UBTF: variants seen among roughly 807,000 people sequenced by gnomAD.
UBTF encodes upstream binding transcription factor.
In UBTF, 8 loss-of-function variants were observed where a neutral mutation model predicts 112.3. The ratio of observed to expected loss-of-function variants is 0.07; its 90% CI spans 0.04 to 0.13. UBTF has a LOEUF of 0.13. UBTF is among the 10% of genes least tolerant of loss of function. The pLI is 1.00. For synonymous variants in UBTF, 417 were observed against 373.1 expected (o/e 1.12, Z -1.36); for missense variants, 457 against 982.1 (o/e 0.47, Z 7.15).
upstream of UBTF, among the ~76,000 whole-genome samples, chr17:44,220,089 G>A (rs1450966730): frequency 6.8e-6 from 1 of 146,494 alleles, no homozygotes; most frequent in African/African-American, 2.5e-5. Flanking sequence ...CGGGGAAGGG[G>A]GGGGGGGCCG....
rs762726256 is a variant in UBTF at position 44,210,858 on chromosome 17, C to T, written c.1293G>A (p.Glu431=). The change falls in exon 13 of 21, where the codon GAG becomes GAA. Residue 431 remains glutamate (E), a synonymous_variant. Coordinates refer to ENST00000436088, the MANE Select transcript of UBTF (RefSeq NM_014233.4). The part of the protein sequence containing the change: ...KRRQLQEERP[E]LSESELTRLL... ...GGCGGGTCAGCTCGCTCTCGGAGAGCTCAGGCCGCTCCTCCTGCAGCTGCC... is the reference window on the plus strand; with the variant it reads ...GGCGGGTCAGCTCGCTCTCGGAGAGTTCAGGCCGCTCCTCCTGCAGCTGCC... The T allele has an allele frequency of 1.9e-6, 3 of 1,575,976 alleles. No individual in the cohort carries two copies. Among genetic ancestry groups the T allele is most frequent in the Admixed American group, 1.8e-5 (1 of 54,126 alleles).
intron 2 of UBTF, 45 bp downstream of exon 2, chr17:44,218,127 G>A (rs778751872): frequency 6.3e-7 from 1 of 1,596,296 alleles, no homozygotes; most frequent in South Asian, 1.1e-5. Flanking sequence ...AGCCACGAGG[G>A]AAAGAGGGTT....
At chr17:44,215,304 A>C in intron 5 of UBTF, 1 of 230,366 alleles carries the variant, frequency 4.3e-6, no homozygotes, top group Non-Finnish European at 8.6e-6. Flanking sequence ...ATCAAATGAG[A>C]CCATGACGGG....
rs1424654175 is a variant in UBTF at position 44,216,438 on chromosome 17, T to C, written c.234+91A>G. On this transcript the variant is annotated intron_variant, in intron 3 of 20. Transcript: ENST00000436088. ...GAGACCACATGAATGCCTCTCCTGG[T>C]CTCTTTCCTTCCTGTTTACAGCCTG... 2.7e-6 allele frequency: 4 copies of C among 1,470,336 alleles called. No homozygotes were observed. In the African/African-American group the frequency reaches 5.6e-5, roughly 21 times the overall value. 91.1% of individuals were successfully genotyped at this position (1,470,336 alleles called of 1,614,324 possible). A position where few individuals can be genotyped will look rare whatever the true frequency, so the allele number is the denominator to read the frequency against.
chr17:44,210,382 G>A lies in UBTF; in HGVS notation c.1451C>T (p.Ser484Phe), dbSNP rs1370943338. The A allele has an allele frequency of 6.2e-7, 1 of 1,614,202 alleles. No individual in the cohort carries two copies. Among genetic ancestry groups the A allele is most frequent in the South Asian group, 1.1e-5 (1 of 91,080 alleles). ...EREERGKLPE[S>F]PKRAEEIWQQ... ...CCAGATCTCCTCAGCTCTTTTGGGG[G>A]ACTCGGGCAGCTTGCCCCGTTCCTC... The change falls in exon 14 of 21, where the codon TCC (serine) becomes TTC (phenylalanine). Residue 484 changes from serine to phenylalanine, a missense_variant. By Grantham distance (155) the Ser-to-Phe change is radical. Transcript: ENST00000436088.
intron 5 of UBTF, chr17:44,215,219 C>T (rs1167754488): frequency 5.9e-6 from 1 of 170,568 alleles, no homozygotes; most frequent in Non-Finnish European, 1.3e-5. Flanking sequence ...ACTTAACCCT[C>T]CTGCACCTCA....
rs777946654 is a variant in UBTF, at chr17:44,216,003, G to C, written c.235-14C>G. 6.2e-7 allele frequency: 1 copy of C among 1,608,380 alleles called. No homozygotes were observed. Among genetic ancestry groups the C allele is most frequent in the South Asian group, 1.1e-5 (1 of 90,966 alleles). ...GAACTTCCTCACCTGGAGGAAGAGG[G>C]GTGGGAGGAAGGGGAAGTTGGGAAA... On this transcript the variant is annotated splice_polypyrimidine_tract_variant and intron_variant, in intron 3 of 20. Transcript: ENST00000436088.
chr17:44,210,582 A>G lies in UBTF; in HGVS notation c.1360-109T>C, dbSNP rs1268122195. 4.9e-6 allele frequency: 7 copies of G among 1,416,900 alleles called. No individual in the cohort carries two copies. In the African/African-American group the frequency reaches 8.9e-5, roughly 18 times the overall value. The allele number at this position is 1,416,900 out of a possible 1,614,324, so 87.8% of individuals were successfully genotyped here. A position where few individuals can be genotyped will look rare whatever the true frequency, so the allele number is the denominator to read the frequency against. ...GGCGGGCAGAAGCATGGGCTGGTGC[A>G]GATGTCTCCCGCCTGGGGCTCGCCC... On this transcript the variant is annotated intron_variant, in intron 13 of 20. Coordinates refer to ENST00000436088, the MANE Select transcript of UBTF (RefSeq NM_014233.4).
chr17:44,214,454 C>T (rs1442214225), intron 5 of UBTF, among the ~76,000 whole-genome samples: 3 of 152,222 alleles, frequency 2.0e-5, no homozygotes, highest in Non-Finnish European at 4.4e-5. Flanking sequence ...AGTCTTGTGT[C>T]CCCCAGGACA....
chr17:44,215,592 C>T, intron 5 of UBTF, 62 bp downstream of exon 5: 2 of 1,598,960 alleles, frequency 1.3e-6, no homozygotes, highest in Non-Finnish European at 1.7e-6. Flanking sequence ...TCCAACTGAC[C>T]CACACCACAC....
At chr17:44,207,661 C>T (rs761466116) in intron 19 of UBTF, 38 bp downstream of exon 19, 31 of 1,614,190 alleles carry the variant, frequency 1.9e-5, no homozygotes, top group Non-Finnish European at 2.5e-5. Context: ...GGCAGTGCCC[C>T]CCGCCCCACG....
In UBTF at chr17:44,212,680, C is replaced by T. The variant is rs1010063741; in HGVS notation, c.660+139G>A. ...GCACACGCTTGCACGCCAGCTGGCC[C>T]GGGCCCTGTCCATGCAGCCCACCCC... On this transcript the variant is annotated intron_variant, in intron 7 of 20. Coordinates refer to ENST00000436088, the MANE Select transcript of UBTF (RefSeq NM_014233.4). The T allele has an allele frequency of 1.1e-5, 16 of 1,454,894 alleles. No individual in the cohort carries two copies. In the African/African-American group the frequency reaches 1.3e-4, roughly 12 times the overall value. 90.1% of individuals were successfully genotyped at this position (1,454,894 alleles called of 1,614,324 possible). A position where few individuals can be genotyped will look rare whatever the true frequency, so the allele number is the denominator to read the frequency against.
Position 44,216,006 on chromosome 17 carries a change from G to A in UBTF, c.235-17C>T, listed in dbSNP as rs747020100. On this transcript the variant is annotated splice_polypyrimidine_tract_variant and intron_variant, in intron 3 of 20. Transcript: ENST00000436088. ...CTTCCTCACCTGGAGGAAGAGGGGT[G>A]GGAGGAAGGGGAAGTTGGGAAAAGG... 2 of 1,604,624 alleles carry A rather than the reference G, an allele frequency of 1.2e-6. No individual in the cohort carries two copies. Among genetic ancestry groups the A allele is most frequent in the Admixed American group, 3.3e-5 (2 of 59,994 alleles).
In UBTF at chr17:44,206,461, C is replaced by CA. The variant is rs1009377012; in HGVS notation, c.*780dup. 9 of 151,704 alleles carry CA rather than the reference C, an allele frequency of 5.9e-5. No homozygotes were observed. The highest frequency in any genetic ancestry group is 1.3e-4 in the Non-Finnish European group (9 of 68,000). The allele number at this position is 151,704 out of a possible 1,614,324, so 9.4% of individuals were successfully genotyped here. A position where few individuals can be genotyped will look rare whatever the true frequency, so the allele number is the denominator to read the frequency against. ...ACTCTTTTGCACACATCCACAGCTG[C>CA]ACCCATGCTATGTACAGGAACACAC... On this transcript the variant is annotated 3_prime_UTR_variant, in exon 21 of 21. Coordinates refer to ENST00000436088, the MANE Select transcript of UBTF (RefSeq NM_014233.4).
At chr17:44,208,016 C>A in intron 17 of UBTF, 105 bp from the exon 18 acceptor site, 1 of 1,395,612 alleles carries the variant, frequency 7.2e-7, no homozygotes, top group Non-Finnish European at 9.9e-7. Context: ...ATATCATCAC[C>A]CCATCTTACC....
rs2056290057 is a variant in UBTF, at chr17:44,207,115, T to TA, written c.*126dup. ...CCCCCACCGTATTTTTTTTTTTTTTTAAAGAAAGAAAGAAAGTGGGGGAGG... is the reference window on the plus strand; with the variant it reads ...CCCCCACCGTATTTTTTTTTTTTTTTAAAAGAAAGAAAGAAAGTGGGGGAGG... On this transcript the variant is annotated 3_prime_UTR_variant, in exon 21 of 21. Transcript: ENST00000436088. The TA allele has an allele frequency of 1.9e-5, 19 of 1,007,558 alleles. No individual in the cohort carries two copies. Among genetic ancestry groups the TA allele is most frequent in the South Asian group, 5.0e-5 (3 of 59,944 alleles). 62.4% of individuals were successfully genotyped at this position (1,007,558 alleles called of 1,614,324 possible).
At chr17:44,213,999 C>T (rs1413333895) in intron 5 of UBTF, among the ~76,000 whole-genome samples, 1 of 152,090 alleles carries the variant, frequency 6.6e-6, no homozygotes, top group East Asian at 1.9e-4. Flanking sequence ...CCACTCTCAC[C>T]TCACTCCCTC....
intron 15 of UBTF, 90 bp downstream of exon 15, chr17:44,210,033 AC>A (rs2056550138): frequency 7.5e-7 from 1 of 1,333,874 alleles, no homozygotes. Context: ...AGAGTCACAG[AC>A]CAAGGCTGGG....
At position 44,217,966 on chromosome 17, in the gene UBTF, A is replaced by AG. The variant is rs368474845; in HGVS notation, c.58+205dup. 2.7e-3 allele frequency among the ~76,000 whole-genome samples: 404 copies of AG among 152,296 alleles called. 1 individual carries two copies. Among genetic ancestry groups the AG allele is most frequent in the African/African-American group, 9.1e-3 (377 of 41,558 alleles). On this transcript the variant is annotated intron_variant, in intron 2 of 20. Coordinates refer to ENST00000436088, the MANE Select transcript of UBTF (RefSeq NM_014233.4). ...CACAGAGGGTGAGGGACAGGGAGAG[A>AG]GGGGAGGTGAGCCACTCCAGGCCAA...
Sources: allele counts gnomAD v4.1 joint callset (sites outside exome capture counted in the v4.1 genomes callset), GRCh38; gene constraint gnomAD v4.1.1; transcripts MANE v1.5; gene names NCBI Gene and HGNC (gene_info 2026-07-23, HGNC 2026-07-21).